Variants in MAML3 observed in about 807,000 individuals in gnomAD.
The protein encoded by MAML3 is mastermind-like protein 3.
A neutral mutation model predicts 101.9 loss-of-function variants in MAML3; 27 were observed. The ratio of observed to expected loss-of-function variants is 0.27; its 90% CI spans 0.20 to 0.37. The LOEUF is 0.37. Among genes scored for constraint, MAML3 ranks in the 10% least tolerant of loss-of-function variants. The pLI, the probability that MAML3 is intolerant of heterozygous loss-of-function variation, is 1.00. For missense variants in MAML3, 1,316 were observed against 1,444.9 expected (o/e 0.91, Z 1.45); for synonymous variants, 501 against 555.9 (o/e 0.90, Z 1.39).
At chr4:139,988,528 A>T (rs10020859) in intron 1 of MAML3, among the ~76,000 whole-genome samples, 4,661 of 152,202 alleles carry the variant, frequency 0.031, 226 homozygotes, top group African/African-American at 0.1. Context: ...CCGTTTCATG[A>T]GCTGGAGAGC....
chr4:140,002,212 C>A (rs1308655011), intron 1 of MAML3, among the ~76,000 whole-genome samples: 3 of 152,256 alleles, frequency 2.0e-5, no homozygotes, highest in East Asian at 3.9e-4. Context: ...CTCACCCCCT[C>A]CCACCATACT....
intron 2 of MAML3, among the ~76,000 whole-genome samples, chr4:139,846,467 C>T (rs750289661): frequency 2.6e-5 from 4 of 152,264 alleles, no homozygotes; most frequent in Admixed American, 2.0e-4. Context: ...CCTACCTCAG[C>T]CTCCCAAGTA....
chr4:139,987,442 C>T (rs921552810), intron 1 of MAML3, among the ~76,000 whole-genome samples: 3 of 152,148 alleles, frequency 2.0e-5, no homozygotes, highest in South Asian at 2.1e-4. Flanking sequence ...GAACGCCGTG[C>T]GTCATCACTG....
chr4:140,058,206 T>C (rs1371290976), intron 1 of MAML3, among the ~76,000 whole-genome samples: 1 of 151,994 alleles, frequency 6.6e-6, no homozygotes, highest in Non-Finnish European at 1.5e-5. Context: ...TTTCAAAAAG[T>C]AAAATAGACC....
At chr4:139,807,381 C>A (rs113994695) in intron 2 of MAML3, among the ~76,000 whole-genome samples, 89 of 152,260 alleles carry the variant, frequency 5.8e-4, no homozygotes, top group African/African-American at 2.1e-3. Context: ...ACCTGAAAGC[C>A]TCGATTCGGA....
chr4:139,984,317 T>C (rs915568643), intron 1 of MAML3, among the ~76,000 whole-genome samples: 1 of 152,094 alleles, frequency 6.6e-6, no homozygotes, highest in Admixed American at 6.6e-5. Flanking sequence ...ATCAAATATA[T>C]TGACAGGGGT....
chr4:140,149,251 T>C (rs561869768), intron 1 of MAML3, among the ~76,000 whole-genome samples: 2 of 152,304 alleles, frequency 1.3e-5, no homozygotes, highest in African/African-American at 2.4e-5. Context: ...GTGGTGGTGG[T>C]TGGGATGGGA....
chr4:139,736,131 C>T (rs1463469920), intron 2 of MAML3, among the ~76,000 whole-genome samples: 1 of 152,166 alleles, frequency 6.6e-6, no homozygotes, highest in African/African-American at 2.4e-5. Flanking sequence ...CACACTCACT[C>T]ACTCACTCAC....
chr4:140,070,338 C>T (rs568791959), intron 1 of MAML3, among the ~76,000 whole-genome samples: 3 of 152,154 alleles, frequency 2.0e-5, no homozygotes, highest in Non-Finnish European at 4.4e-5. Flanking sequence ...AGCCCAAGTA[C>T]TTTGGTTTTG....
chr4:139,782,924 A>G (rs1294041690), intron 2 of MAML3, among the ~76,000 whole-genome samples: 1 of 152,118 alleles, frequency 6.6e-6, no homozygotes, highest in Non-Finnish European at 1.5e-5. Flanking sequence ...GAGCCTTACA[A>G]TTGTATTTGC....
At chr4:139,770,235 G>C (rs542521646) in intron 2 of MAML3, among the ~76,000 whole-genome samples, 4 of 152,282 alleles carry the variant, frequency 2.6e-5, no homozygotes, top group South Asian at 2.1e-4. Flanking sequence ...CCCAGCCAAG[G>C]CTCCTTGTCT....
At chr4:140,055,623 C>T (rs1727337405) in intron 1 of MAML3, among the ~76,000 whole-genome samples, 1 of 152,182 alleles carries the variant, frequency 6.6e-6, no homozygotes, top group Non-Finnish European at 1.5e-5. Context: ...TATTTTACCA[C>T]CTCTTGGGAG....
intron 1 of MAML3, among the ~76,000 whole-genome samples, chr4:140,084,450 G>C (rs1242582526): frequency 6.6e-6 from 1 of 152,098 alleles, no homozygotes; most frequent in Non-Finnish European, 1.5e-5. Flanking sequence ...TATCAGGCAG[G>C]CTCCTCAAAG....
rs542867274 is a variant in MAML3, at chr4:139,942,226, T to C, written c.469-51259A>G. On this transcript the variant is annotated intron_variant, in intron 1 of 4. Coordinates refer to ENST00000509479, the MANE Select transcript of MAML3 (RefSeq NM_018717.5). ...GGCAGGCAGGAAGGAAGACATCCTT[T>C]AATACCAGAACAAAGAGCCATAATA... Among the ~76,000 whole-genome samples the C allele has an allele frequency of 2.0e-5, 3 of 151,488 alleles. No homozygotes were observed. In the South Asian group the frequency reaches 6.3e-4, roughly 32 times the overall value.
intron 1 of MAML3, among the ~76,000 whole-genome samples, chr4:139,930,130 T>C (rs147452947): frequency 2.6e-5 from 4 of 152,346 alleles, no homozygotes; most frequent in South Asian, 2.1e-4. Flanking sequence ...CACAGAATTA[T>C]AGATAATTTT....
At chr4:139,924,302 G>A (rs1433655415) in intron 1 of MAML3, among the ~76,000 whole-genome samples, 1 of 152,206 alleles carries the variant, frequency 6.6e-6, no homozygotes, top group African/African-American at 2.4e-5. Context: ...GAGATGATCA[G>A]AGTAGAGGCA....
intron 1 of MAML3, among the ~76,000 whole-genome samples, chr4:140,042,838 G>C (rs971589384): frequency 6.6e-6 from 1 of 151,902 alleles, no homozygotes. Context: ...ATTCCAACCC[G>C]GGCACAAACT....
intron 2 of MAML3, among the ~76,000 whole-genome samples, chr4:139,734,317 C>T (rs990537766): frequency 3.9e-5 from 6 of 152,186 alleles, no homozygotes; most frequent in African/African-American, 1.4e-4. Context: ...GCTGAGCTTT[C>T]GTCATGCGAG....
intron 1 of MAML3, among the ~76,000 whole-genome samples, chr4:140,148,698 G>T (rs1258545877): frequency 6.6e-6 from 1 of 152,196 alleles, no homozygotes; most frequent in African/African-American, 2.4e-5. Context: ...AACGTATAAG[G>T]ACATTCAGCA....
Sources: gnomAD v4.1 joint callset for allele counts (sites outside exome capture counted in the v4.1 genomes callset) on GRCh38, gnomAD v4.1.1 for gene constraint, MANE v1.5 for transcripts, NCBI Gene and HGNC (gene_info 2026-07-23, HGNC 2026-07-21) for gene names.